The following CDH9 variants were observed in gnomAD, a reference collection of about 807,000 sequenced individuals.
The protein encoded by CDH9 is cadherin-9.
A neutral mutation model predicts 70.9 loss-of-function variants in CDH9; 28 were observed. The ratio of observed to expected loss-of-function variants is 0.40; its 90% CI spans 0.29 to 0.54. CDH9 has a LOEUF of 0.54. Among genes scored for constraint, CDH9 ranks in the 20% least tolerant of loss-of-function variants. The probability of loss-of-function intolerance (pLI) is 0.59; values close to 1 mark genes in which losing one functional copy is unlikely to be tolerated. For missense variants in CDH9, 874 were observed against 984.4 expected, an observed-to-expected ratio of 0.89 and a Z score of 1.50; for synonymous variants, 409 against 343.1, an observed-to-expected ratio of 1.19 and a Z score of -2.12.
intron 7 of CDH9, among the ~76,000 whole-genome samples, chr5:26,895,085 A>C (rs1456430658): frequency 1.3e-5 from 2 of 152,066 alleles, no homozygotes; most frequent in Non-Finnish European, 2.9e-5. Context: ...ATGCAGAAAT[A>C]TGTCAAGAAT....
intron 2 of CDH9, among the ~76,000 whole-genome samples, chr5:26,949,268 G>C (rs1232906872): frequency 6.6e-6 from 1 of 152,148 alleles, no homozygotes; most frequent in Non-Finnish European, 1.5e-5. Context: ...GCTTGGAGTG[G>C]AGGTGAGAAG....
chr5:26,945,600 C>T (rs929883937), intron 2 of CDH9, among the ~76,000 whole-genome samples: 1 of 152,062 alleles, frequency 6.6e-6, no homozygotes, highest in Non-Finnish European at 1.5e-5. Flanking sequence ...CCTCAAATAG[C>T]TTAAGAATCA....
chr5:26,954,838 C>G (rs115305066), intron 2 of CDH9, among the ~76,000 whole-genome samples: 2,683 of 152,162 alleles, frequency 0.018, 96 homozygotes, highest in African/African-American at 0.061. Context: ...TAAATGCAGA[C>G]TGTGTCACGT....
intron 1 of CDH9, 75 bp from the exon 2 acceptor site, chr5:26,988,457 T>C (rs1561030570): frequency 8.0e-7 from 1 of 1,255,086 alleles, no homozygotes; most frequent in Non-Finnish European, 1.1e-6. Flanking sequence ...ACTGAAATAC[T>C]TATTCCAGAC....
chr5:26,973,727 A>G (rs933097201), intron 2 of CDH9, among the ~76,000 whole-genome samples: 3 of 151,824 alleles, frequency 2.0e-5, no homozygotes, highest in African/African-American at 7.3e-5. Context: ...TTTTTGTGTT[A>G]TTATCTCATT....
chr5:26,906,852 C>G lies in CDH9; in HGVS notation c.524-14G>C. On this transcript the variant is annotated splice_polypyrimidine_tract_variant and intron_variant, in intron 3 of 11. Transcript: ENST00000231021. Reference sequence around the variant, plus strand: ...TAACAGATGTACCTACATGAAACCCCCATCCCCAAACAGAGACATTTACAT... The same window carrying G: ...TAACAGATGTACCTACATGAAACCCGCATCCCCAAACAGAGACATTTACAT... 6.3e-7 allele frequency: 1 copy of G among 1,590,646 alleles called. No homozygotes were observed. The highest frequency in any genetic ancestry group is 8.6e-7 in the Non-Finnish European group (1 of 1,165,790).
chr5:26,892,969 G>A (rs564969661), intron 7 of CDH9, among the ~76,000 whole-genome samples: 5 of 151,948 alleles, frequency 3.3e-5, no homozygotes, highest in African/African-American at 4.8e-5. Flanking sequence ...TCATGACCTC[G>A]TGATCCGCCT....
intron 2 of CDH9, among the ~76,000 whole-genome samples, chr5:26,980,756 A>T (rs961735219): frequency 6.6e-6 from 1 of 151,988 alleles, no homozygotes; most frequent in African/African-American, 2.4e-5. Context: ...AATTCAGTCT[A>T]TTGAGTCAGA....
rs571134135 is a variant in CDH9 at position 27,005,063 on chromosome 5, C to A, written c.-49-16681G>T. Among the ~76,000 whole-genome samples the A allele has an allele frequency of 3.3e-5, 5 of 152,186 alleles. No individual in the cohort carries two copies. In the South Asian group the frequency reaches 1.0e-3, roughly 32 times the overall value. On this transcript the variant is annotated intron_variant, in intron 1 of 11. Transcript: ENST00000231021. ...GGGAAAAAGGCACAGACATGGACAG[C>A]ATTCAGTGCTATTAAGTGGGTAATA...
rs1249722612 is a variant in CDH9, at chr5:26,885,743, T to C, written c.1753A>G (p.Thr585Ala). 6.2e-7 allele frequency: 1 copy of C among 1,613,806 alleles called. No homozygotes were observed. Among genetic ancestry groups the C allele is most frequent in the Admixed American group, 1.7e-5 (1 of 59,904 alleles). Residue 585 changes from threonine to alanine, a missense_variant, in exon 11 of 12, where the codon ACT becomes GCT. By Grantham distance (58) the Thr-to-Ala change is moderately conservative. Transcript: ENST00000231021. Reference protein sequence around the residue: ...YPIQSSTGTLTIRVCACDNQG... With the variant: ...YPIQSSTGTLAIRVCACDNQG... ...TTATCGCAGGCACACACACGGATAG[T>C]GAGTGTACCAGTGCTGCTTTGAATT...
At chr5:26,964,989 A>G (rs1019012521) in intron 2 of CDH9, among the ~76,000 whole-genome samples, 1 of 152,130 alleles carries the variant, frequency 6.6e-6, no homozygotes, top group African/African-American at 2.4e-5. Context: ...TAATTAAAAC[A>G]GCTCTTAATT....
intron 2 of CDH9, among the ~76,000 whole-genome samples, chr5:26,941,326 T>C (rs1360804632): frequency 6.6e-6 from 1 of 152,144 alleles, no homozygotes; most frequent in African/African-American, 2.4e-5. Flanking sequence ...CAGCTGGAGG[T>C]AATTCTTCCA....
At chr5:27,002,608 A>G (rs572591689) in intron 1 of CDH9, among the ~76,000 whole-genome samples, 1 of 152,318 alleles carries the variant, frequency 6.6e-6, no homozygotes, top group South Asian at 2.1e-4. Flanking sequence ...TGATGAGTTC[A>G]TGTCCTTTAT....
intron 6 of CDH9, chr5:26,903,412 T>C: frequency 1.6e-6 from 1 of 638,650 alleles, no homozygotes; most frequent in Non-Finnish European, 2.8e-6. Context: ...CTAATTTTAA[T>C]TTGACTGTTT....
At chr5:26,939,764 A>G (rs1235194281) in intron 2 of CDH9, among the ~76,000 whole-genome samples, 3 of 152,194 alleles carry the variant, frequency 2.0e-5, no homozygotes, top group Non-Finnish European at 4.4e-5. Context: ...TTAAAATAAG[A>G]ACAATAATAT....
chr5:26,939,314 C>T (rs913382046), intron 2 of CDH9, among the ~76,000 whole-genome samples: 21 of 151,620 alleles, frequency 1.4e-4, no homozygotes, highest in Non-Finnish European at 2.9e-4. Flanking sequence ...AGCTCTTAGA[C>T]TTAAATACAA....
intron 1 of CDH9, among the ~76,000 whole-genome samples, chr5:27,031,000 C>T (rs1343536351): frequency 1.3e-5 from 2 of 151,378 alleles, no homozygotes; most frequent in African/African-American, 4.8e-5. Flanking sequence ...TTTCTGCAGG[C>T]TAACATTGGT....
Position 26,960,075 on chromosome 5 carries a change from CT to C in CDH9, c.228+28030del, listed in dbSNP as rs1237420543. On this transcript the variant is annotated intron_variant, in intron 2 of 11. Transcript: ENST00000231021. The stretch of plus-strand genomic sequence containing the variant: ...ATAGGAATTTGGATCGTCTTTAATT[CT>C]TTTTCTCTTCTATTATGAAATTGCA... 5.9e-5 allele frequency among the ~76,000 whole-genome samples: 9 copies of C among 151,792 alleles called. No homozygotes were observed. The South Asian group carries it at 6.2e-4, about 10-fold the overall frequency.
intron 2 of CDH9, among the ~76,000 whole-genome samples, chr5:26,970,261 T>A (rs1182189545): frequency 1.3e-5 from 2 of 152,020 alleles, no homozygotes; most frequent in Non-Finnish European, 2.9e-5. Context: ...TTATTCATTT[T>A]CCCCTTCATA....
Sources: gnomAD v4.1 joint callset for allele counts (sites outside exome capture counted in the v4.1 genomes callset) on GRCh38, gnomAD v4.1.1 for gene constraint, MANE v1.5 for transcripts, NCBI Gene and HGNC (gene_info 2026-07-23, HGNC 2026-07-21) for gene names.